TRIO: variants seen among roughly 807,000 people sequenced by gnomAD.
TRIO encodes triple functional domain protein.
TRIO carries 58 observed loss-of-function variants against 351.9 expected under a neutral mutation model. The observed-to-expected ratio is 0.16, with a 90% confidence interval of 0.13 to 0.21. The LOEUF is 0.21. Ranked by LOEUF, TRIO falls within the 10% of genes least tolerant of loss-of-function variation. The pLI is 1.00. For synonymous variants in TRIO, 1,758 were observed against 1,595.7 expected, an observed-to-expected ratio of 1.10 and a Z score of -2.42; for missense variants, 3,201 against 4,027.8, an observed-to-expected ratio of 0.79 and a Z score of 5.56.
rs573066914 is a variant in TRIO, at chr5:14,275,820, C to G, written c.233-4502C>G. Reference sequence around the variant, plus strand: ...CTGTTTTGTGTAACAGAGTAATACACAAATATATATATACCAGAGTAAAAC... The same window carrying G: ...CTGTTTTGTGTAACAGAGTAATACAGAAATATATATATACCAGAGTAAAAC... On this transcript the variant is annotated intron_variant, in intron 2 of 56. Coordinates refer to ENST00000344204, the MANE Select transcript of TRIO (RefSeq NM_007118.4). Among the ~76,000 whole-genome samples, 11 of 146,444 alleles carry G rather than the reference C, an allele frequency of 7.5e-5. No homozygotes were observed. In the South Asian group the frequency reaches 1.9e-3, roughly 26 times the overall value.
chr5:14,366,671 C>G (rs1333180975), intron 15 of TRIO, among the ~76,000 whole-genome samples, 189 bp from the exon 16 acceptor site: 1 of 152,198 alleles, frequency 6.6e-6, no homozygotes, highest in Non-Finnish European at 1.5e-5. Context: ...TAAAAAGATG[C>G]AGCACTTGCA....
intron 40 of TRIO, 152 bp downstream of exon 40, chr5:14,474,249 A>G: frequency 1.6e-6 from 1 of 638,614 alleles, no homozygotes; most frequent in Non-Finnish European, 2.7e-6. Flanking sequence ...TGATGTACCC[A>G]GGAGTTCTGC....
rs111290428 is a variant in TRIO at position 14,264,023 on chromosome 5, T to C, written c.158-6802T>C. On this transcript the variant is annotated intron_variant, in intron 1 of 56. Transcript: ENST00000344204. Reference sequence around the variant, plus strand: ...TGTAAGAAATAGAGTCCCTTTATAATACTACTACTTCTTGACTATCAAAAT... The same window carrying C: ...TGTAAGAAATAGAGTCCCTTTATAACACTACTACTTCTTGACTATCAAAAT... Among the ~76,000 whole-genome samples the C allele has an allele frequency of 2.5e-3, 388 of 152,354 alleles. 2 individuals are homozygous for C. The highest frequency in any genetic ancestry group is 8.7e-3 in the African/African-American group (362 of 41,574).
At chr5:14,211,994 C>A (rs973320205) in intron 1 of TRIO, among the ~76,000 whole-genome samples, 1 of 151,168 alleles carries the variant, frequency 6.6e-6, no homozygotes, top group East Asian at 1.9e-4. Context: ...AACAAAAAAA[C>A]CAGGCATGGT....
At chr5:14,399,287 G>A in intron 30 of TRIO, 1 of 545,400 alleles carries the variant, frequency 1.8e-6, no homozygotes, top group East Asian at 2.8e-5. Flanking sequence ...TAGGAAACTT[G>A]CTCTTCTTAA....
chr5:14,161,177 T>A (rs1160723519), intron 1 of TRIO, among the ~76,000 whole-genome samples: 1 of 152,200 alleles, frequency 6.6e-6, no homozygotes, highest in Non-Finnish European at 1.5e-5. Flanking sequence ...AGTGCTGGGA[T>A]TACAGGTGTG....
rs754145953 is a variant in TRIO at position 14,492,757 on chromosome 5, G to A, written c.7823G>A (p.Gly2608Asp). Residue 2608 changes from glycine to aspartate, a missense_variant, in exon 49 of 57, where the codon GGC (glycine) becomes GAC (aspartate). Physicochemically the swap from Gly to Asp is moderately conservative, Grantham distance 94. Transcript: ENST00000344204. ...QCPAAEGWIP[G>D]FVLGHTSAVI... is the part of the protein sequence containing the mutation. ...CCCGCAGCTGAGGGCTGGATTCCAG[G>A]CTTTGTCCTGGGCCACACCAGTGCA... 1.2e-6 allele frequency: 2 copies of A among 1,614,184 alleles called. No individual in the cohort carries two copies. Among genetic ancestry groups the A allele is most frequent in the Admixed American group, 1.7e-5 (1 of 60,020 alleles).
intron 1 of TRIO, among the ~76,000 whole-genome samples, chr5:14,161,468 A>G (rs1274430956): frequency 6.6e-6 from 1 of 152,046 alleles, no homozygotes; most frequent in East Asian, 1.9e-4. Flanking sequence ...TGAGAACTGG[A>G]TTCTGGACTG....
intron 1 of TRIO, among the ~76,000 whole-genome samples, chr5:14,261,817 C>T (rs772392928): frequency 4.6e-5 from 7 of 152,132 alleles, no homozygotes; most frequent in Non-Finnish European, 8.8e-5. Context: ...TTCTAAATTA[C>T]GTTGTAAAAA....
chr5:14,345,742 G>A (rs936542697), intron 11 of TRIO, among the ~76,000 whole-genome samples: 1 of 152,140 alleles, frequency 6.6e-6, no homozygotes, highest in Non-Finnish European at 1.5e-5. Context: ...GTTTCACCAC[G>A]TTGGCCAGGC....
chr5:14,410,941 C>T (rs30607), intron 33 of TRIO, among the ~76,000 whole-genome samples: 67,116 of 152,184 alleles, frequency 0.44, 16,898 homozygotes, highest in African/African-American at 0.68. Flanking sequence ...TAGTACTGAT[C>T]CTTGCTGATC....
intron 1 of TRIO, among the ~76,000 whole-genome samples, chr5:14,263,957 G>A (rs901934447): frequency 2.0e-5 from 3 of 152,086 alleles, no homozygotes; most frequent in Non-Finnish European, 2.9e-5. Context: ...AAACATGAAC[G>A]GCACACCTGG....
intron 1 of TRIO, among the ~76,000 whole-genome samples, chr5:14,184,405 TGCACTCTACTAAAG>T (rs1356906372): frequency 2.0e-5 from 3 of 152,246 alleles, no homozygotes; most frequent in Non-Finnish European, 4.4e-5. Context: ...CAACGTGCCC[TGCACTCTACTAAAG>T]GCACTTGGCA....
intron 34 of TRIO, among the ~76,000 whole-genome samples, chr5:14,436,082 C>T (rs1439864328): frequency 6.6e-6 from 1 of 152,184 alleles, no homozygotes; most frequent in African/African-American, 2.4e-5. Context: ...CCCCTGCCCC[C>T]ATCTCCGTCT....
chr5:14,458,265 G>A (rs184223481), intron 34 of TRIO, among the ~76,000 whole-genome samples: 22 of 152,280 alleles, frequency 1.4e-4, no homozygotes, highest in Non-Finnish European at 2.4e-4. Flanking sequence ...GATTTCTGAT[G>A]TTTCCATGTA....
At chr5:14,275,860 A>ATGTG (rs1474278912) in intron 2 of TRIO, among the ~76,000 whole-genome samples, 5,041 of 102,236 alleles carry the variant, frequency 0.049, 294 homozygotes, top group African/African-American at 0.15. Context: ...CTCTGTCTCT[A>ATGTG]TGTGTGTATA....
rs75899875 is a variant in TRIO, at chr5:14,292,915, A to G, written c.1054-97A>G. On this transcript the variant is annotated intron_variant, in intron 5 of 56. Coordinates refer to ENST00000344204, the MANE Select transcript of TRIO (RefSeq NM_007118.4). ...GACAGCGCTTGAAGTTGTCCAGGGA[A>G]GGAAGTTGCCCTTTCTTGGTACTGC... 2.9e-4 allele frequency: 455 copies of G among 1,546,890 alleles called. No homozygotes were observed. The African/African-American group carries it at 5.6e-3, about 19-fold the overall frequency.
At chr5:14,473,728 C>T (rs1754846247) in intron 39 of TRIO, among the ~76,000 whole-genome samples, 2 of 152,188 alleles carry the variant, frequency 1.3e-5, no homozygotes, top group Admixed American at 6.5e-5. Flanking sequence ...TTTATTTAAA[C>T]TTCTTTAATT....
At chr5:14,477,009 C>T in intron 41 of TRIO, 46 bp downstream of exon 41, 1 of 1,531,354 alleles carries the variant, frequency 6.5e-7, no homozygotes, top group Non-Finnish European at 9.0e-7. Flanking sequence ...TGGTGTCATC[C>T]TTAGTCACTG....
Sources: allele counts gnomAD v4.1 joint callset (sites outside exome capture counted in the v4.1 genomes callset), GRCh38; gene constraint gnomAD v4.1.1; transcripts MANE v1.5; gene names NCBI Gene and HGNC (gene_info 2026-07-23, HGNC 2026-07-21).